LRFN5: variants seen among roughly 807,000 people sequenced by gnomAD.
The protein encoded by LRFN5 is leucine-rich repeat and fibronectin type-III domain-containing protein 5.
Under a neutral mutation model 45.6 loss-of-function variants are expected in LRFN5, and 24 were observed. The observed-to-expected ratio is 0.53, with a 90% CI of 0.38 to 0.74. The LOEUF (loss-of-function observed/expected upper bound fraction) is 0.74. Among genes scored for constraint, LRFN5 ranks in the 30% least tolerant of loss-of-function variants. The pLI, the probability that LRFN5 is intolerant of heterozygous loss-of-function variation, is 0.00. For synonymous variants in LRFN5, 340 were observed against 313.8 expected, an observed-to-expected ratio of 1.08 and a Z score of -0.88; for missense variants, 776 against 861.5, an observed-to-expected ratio of 0.90 and a Z score of 1.24.
intron 2 of LRFN5, among the ~76,000 whole-genome samples, chr14:41,774,636 C>T (rs970521158): frequency 3.9e-5 from 6 of 152,138 alleles, no homozygotes; most frequent in African/African-American, 1.4e-4. Context: ...TCAGGACTAC[C>T]AGGTGAAAAC....
At chr14:41,637,095 C>T (rs898664902) in intron 1 of LRFN5, among the ~76,000 whole-genome samples, 1 of 152,156 alleles carries the variant, frequency 6.6e-6, no homozygotes, top group African/African-American at 2.4e-5. Flanking sequence ...CAGCTTCTCC[C>T]TATCTCAGGA....
At chr14:41,624,842 AT>A (rs1198407688) in intron 1 of LRFN5, among the ~76,000 whole-genome samples, 1 of 151,960 alleles carries the variant, frequency 6.6e-6, no homozygotes, top group Non-Finnish European at 1.5e-5. Context: ...AGGATTTATA[AT>A]TTTTTCATTA....
In LRFN5 at chr14:41,612,473, T is replaced by G. The variant is rs2138540022; in HGVS notation, c.-197+3911T>G. The stretch of plus-strand genomic sequence containing the variant: ...GTATGTAGTATAATGAATTTTATGT[T>G]TTATGTATTATTGAAGAGTAAAACT... On this transcript the variant is annotated intron_variant, in intron 1 of 5. Coordinates refer to ENST00000298119, the MANE Select transcript of LRFN5 (RefSeq NM_152447.5). Among the ~76,000 whole-genome samples, 2 of 152,266 alleles carry G rather than the reference T, an allele frequency of 1.3e-5. 1 individual carries two copies. Among genetic ancestry groups the G allele is most frequent in the Middle Eastern group, 6.8e-3 (2 of 294 alleles).
chr14:41,829,675 C>A (rs1888412062), intron 2 of LRFN5, among the ~76,000 whole-genome samples: 1 of 151,226 alleles, frequency 6.6e-6, no homozygotes, highest in African/African-American at 2.4e-5. Context: ...TTCCTTTGTT[C>A]ATTTCAAATA....
chr14:41,805,473 G>A (rs1887490115), intron 2 of LRFN5, among the ~76,000 whole-genome samples: 1 of 150,706 alleles, frequency 6.6e-6, no homozygotes, highest in South Asian at 2.1e-4. Context: ...AGTTACATAT[G>A]TATACATGTG....
At chr14:41,621,354 A>G (rs77707244) in intron 1 of LRFN5, among the ~76,000 whole-genome samples, 3,179 of 152,228 alleles carry the variant, frequency 0.021, 52 homozygotes, top group Non-Finnish European at 0.03. Context: ...ATTATCAGTG[A>G]TTCTTAAGTG....
chr14:41,900,219 G>A (rs1344941551), intron 5 of LRFN5, among the ~76,000 whole-genome samples: 1 of 152,018 alleles, frequency 6.6e-6, no homozygotes, highest in Non-Finnish European at 1.5e-5. Context: ...AGGAACACAA[G>A]CCAAAATGGT....
chr14:41,720,997 A>G (rs1372101587), intron 1 of LRFN5, among the ~76,000 whole-genome samples: 4 of 152,128 alleles, frequency 2.6e-5, no homozygotes, highest in Admixed American at 6.6e-5. Flanking sequence ...TTCTCCTACT[A>G]TCATTCTGTG....
At chr14:41,831,175 A>G (rs1030189271) in intron 2 of LRFN5, among the ~76,000 whole-genome samples, 4 of 152,206 alleles carry the variant, frequency 2.6e-5, no homozygotes, top group Non-Finnish European at 5.9e-5. Context: ...TCTCTCCAAA[A>G]AAGAATACAA....
intron 2 of LRFN5, among the ~76,000 whole-genome samples, chr14:41,885,710 T>C (rs1890544072): frequency 6.6e-6 from 1 of 152,054 alleles, no homozygotes; most frequent in Non-Finnish European, 1.5e-5. Flanking sequence ...AAGATTTTTG[T>C]ATTTTCAGTT....
intron 1 of LRFN5, among the ~76,000 whole-genome samples, chr14:41,698,165 A>G (rs1882694238): frequency 6.6e-6 from 1 of 152,064 alleles, no homozygotes; most frequent in African/African-American, 2.4e-5. Context: ...ATAAAAATAT[A>G]GGGAAGGAAT....
intron 1 of LRFN5, among the ~76,000 whole-genome samples, chr14:41,610,602 T>TGATA (rs1382102760): frequency 7.8e-6 from 1 of 128,988 alleles, no homozygotes; most frequent in African/African-American, 3.0e-5. Context: ...AACCAAGGAA[T>TGATA]GATACAGAAG....
chr14:41,780,881 A>G (rs1220421664), intron 2 of LRFN5, among the ~76,000 whole-genome samples: 1 of 152,118 alleles, frequency 6.6e-6, no homozygotes. Context: ...ATATACATTT[A>G]CCATAAATTA....
intron 2 of LRFN5, among the ~76,000 whole-genome samples, chr14:41,865,023 A>T (rs1889790829): frequency 6.6e-6 from 1 of 152,096 alleles, no homozygotes; most frequent in Non-Finnish European, 1.5e-5. Context: ...ATAGAATTTT[A>T]CTTTTCTATT....
rs1039416007 is a variant in LRFN5 at position 41,886,837 on chromosome 14, T to A, written c.212T>A (p.Phe71Tyr). ...NFVTNIKRKD[F>Y]ANMTSLVDLT... ...GTTACAAATATTAAAAGGAAAGATT[T>A]TGCCAATATGACCAGCTTGGTGGAC... Residue 71 changes from phenylalanine to tyrosine, a missense_variant, in exon 3 of 6, where the codon TTT becomes TAT. Transcript: ENST00000298119. 1 of 1,613,912 alleles carries A rather than the reference T, an allele frequency of 6.2e-7. No individual in the cohort carries two copies. Among genetic ancestry groups the A allele is most frequent in the African/African-American group, 1.3e-5 (1 of 74,878 alleles).
chr14:41,690,238 T>C (rs750007657), intron 1 of LRFN5, among the ~76,000 whole-genome samples: 22 of 151,948 alleles, frequency 1.4e-4, no homozygotes, highest in Non-Finnish European at 2.8e-4. Context: ...TCTCAATAAA[T>C]ACAAAAGTAA....
At chr14:41,857,887 G>A (rs2139090905) in intron 2 of LRFN5, among the ~76,000 whole-genome samples, 1 of 152,306 alleles carries the variant, frequency 6.6e-6, no homozygotes, top group East Asian at 1.9e-4. Flanking sequence ...AGAGAAAAGA[G>A]ATAGTTCCAT....
intron 1 of LRFN5, among the ~76,000 whole-genome samples, chr14:41,675,604 C>CAGGGAG (rs1202868127): frequency 9.9e-5 from 15 of 151,530 alleles, no homozygotes; most frequent in African/African-American, 3.7e-4. Flanking sequence ...AAAGAGGGGA[C>CAGGGAG]AGGGAGAGGG....
intron 1 of LRFN5, among the ~76,000 whole-genome samples, chr14:41,659,267 G>A (rs1880520430): frequency 6.6e-6 from 1 of 151,902 alleles, no homozygotes; most frequent in Non-Finnish European, 1.5e-5. Context: ...TGTTCTCATT[G>A]TTCAACTCCC....
Sources: gnomAD v4.1 joint callset for allele counts (sites outside exome capture counted in the v4.1 genomes callset) on GRCh38, gnomAD v4.1.1 for gene constraint, MANE v1.5 for transcripts, NCBI Gene and HGNC (gene_info 2026-07-23, HGNC 2026-07-21) for gene names.